Variants in LYZL2 observed in about 807,000 individuals in gnomAD.
LYZL2 encodes lysozyme-like protein 2.
Under a neutral mutation model 17.1 loss-of-function variants are expected in LYZL2, and 13 were observed. The observed-to-expected ratio is 0.76, with a 90% CI of 0.49 to 1.21. LYZL2 has a LOEUF of 1.21. Among genes scored for constraint, LYZL2 ranks in the 50% most tolerant of loss-of-function variants. The probability of loss-of-function intolerance (pLI) is 0.00; values close to 1 mark genes in which losing one functional copy is unlikely to be tolerated. For missense variants in LYZL2, 166 were observed against 189.2 expected (o/e 0.88, Z 0.72); for synonymous variants, 63 against 74.4 (o/e 0.85, Z 0.79).
intron 1 of LYZL2, among the ~76,000 whole-genome samples, chr10:30,627,755 A>G (rs1045695406): frequency 5.3e-5 from 8 of 152,162 alleles, no homozygotes; most frequent in Non-Finnish European, 8.8e-5. Flanking sequence ...CTGAGCAGGC[A>G]TTGGCACCCC....
chr10:30,629,072 G>A (rs1261208640), intron 1 of LYZL2, among the ~76,000 whole-genome samples: 1 of 152,180 alleles, frequency 6.6e-6, no homozygotes. Context: ...GTGCTAAGCT[G>A]TGAGGGACAG....
At chr10:30,626,473 G>C (rs1453173764) in intron 2 of LYZL2, among the ~76,000 whole-genome samples, 1 of 152,242 alleles carries the variant, frequency 6.6e-6, no homozygotes, top group African/African-American at 2.4e-5. Context: ...CCAGTCAGGG[G>C]CTGAGCCTAA....
rs145120759 is a variant in LYZL2, at chr10:30,626,377, C to A, written c.140-114G>T. On this transcript the variant is annotated intron_variant, in intron 2 of 4. Coordinates refer to ENST00000647634, the MANE Select transcript of LYZL2 (RefSeq NM_183058.3). The stretch of plus-strand genomic sequence containing the variant: ...TACCTGACTGCTTCCTCCCAATACA[C>A]CTTGGGCAGGGCAGGGCGGGCATGT... The A allele has an allele frequency of 3.8e-3, 5,666 of 1,502,016 alleles. 187 individuals are homozygous for A. The African/African-American group carries it at 0.068, about 18-fold the overall frequency. The allele number at this position is 1,502,016 out of a possible 1,614,324, so 93.0% of individuals were successfully genotyped here. A position where few individuals can be genotyped will look rare whatever the true frequency, so the allele number is the denominator to read the frequency against.
chr10:30,620,619 C>T (rs923311294), intron 3 of LYZL2, among the ~76,000 whole-genome samples: 6 of 151,996 alleles, frequency 3.9e-5, no homozygotes, highest in Admixed American at 1.3e-4. Context: ...TTATTCCATG[C>T]GCAGAGGCAG....
At chr10:30,619,821 G>T (rs1281751705) in intron 3 of LYZL2, among the ~76,000 whole-genome samples, 1 of 151,064 alleles carries the variant, frequency 6.6e-6, no homozygotes, top group Non-Finnish European at 1.5e-5. Flanking sequence ...AAAACTTAAA[G>T]TACAATAATA....
At chr10:30,622,226 A>G (rs544624876) in intron 3 of LYZL2, among the ~76,000 whole-genome samples, 1 of 152,310 alleles carries the variant, frequency 6.6e-6, no homozygotes, top group East Asian at 1.9e-4. Flanking sequence ...CACAAACAGA[A>G]AACAAAATAG....
At chr10:30,620,512 TGTGTCTTTTGTTG>T in intron 3 of LYZL2, among the ~76,000 whole-genome samples, 3 of 152,270 alleles carry the variant, frequency 2.0e-5, no homozygotes, top group Non-Finnish European at 2.9e-5. Flanking sequence ...TCCTTTGCTA[TGTGTCTTTTGTTG>T]AAATTCTTTT....
At chr10:30,611,578 A>T, downstream of LYZL2, among the ~76,000 whole-genome samples, 1 of 73,436 alleles carries the variant, frequency 1.4e-5, no homozygotes, top group Non-Finnish European at 2.8e-5. Context: ...AAGGAAAGAA[A>T]GAAAGAAAGA....
At chr10:30,609,911 TA>T (rs1314924207), downstream of LYZL2, among the ~76,000 whole-genome samples, 6 of 152,194 alleles carry the variant, frequency 3.9e-5, no homozygotes. Context: ...ATTGCATGCT[TA>T]GAAATTTTAT....
intron 3 of LYZL2, among the ~76,000 whole-genome samples, chr10:30,616,314 T>C (rs572626476): frequency 1.1e-4 from 16 of 152,352 alleles, no homozygotes; most frequent in Admixed American, 7.8e-4. Flanking sequence ...GAGATAGCAA[T>C]TGAAACAACA....
downstream of LYZL2, among the ~76,000 whole-genome samples, chr10:30,611,545 AGG>A (rs1838434596): frequency 2.5e-5 from 2 of 79,716 alleles, no homozygotes; most frequent in Admixed American, 1.2e-4. Flanking sequence ...GAAGGAAGGA[AGG>A]AAGGAAGGAA....
At chr10:30,615,179 A>G (rs1838508002) in intron 3 of LYZL2, among the ~76,000 whole-genome samples, 1 of 152,250 alleles carries the variant, frequency 6.6e-6, no homozygotes, top group African/African-American at 2.4e-5. Flanking sequence ...ATATGTTTAT[A>G]TAGAGAGTGG....
intron 3 of LYZL2, among the ~76,000 whole-genome samples, chr10:30,617,941 A>C (rs1279427061): frequency 1.3e-5 from 2 of 152,016 alleles, no homozygotes; most frequent in African/African-American, 4.8e-5. Flanking sequence ...GTCTCAGCCC[A>C]AAATCTCCTT....
chr10:30,628,973 GTGTTAGAGGC>G (rs1838762747), intron 1 of LYZL2, among the ~76,000 whole-genome samples: 1 of 152,208 alleles, frequency 6.6e-6, no homozygotes, highest in Admixed American at 6.5e-5. Flanking sequence ...TTGAGTAGCT[GTGTTAGAGGC>G]TGTATAGACC....
At chr10:30,621,248 A>C (rs1330337701) in intron 3 of LYZL2, among the ~76,000 whole-genome samples, 1 of 152,176 alleles carries the variant, frequency 6.6e-6, no homozygotes, top group Non-Finnish European at 1.5e-5. Flanking sequence ...CTGGTTTCCC[A>C]TCATACACAA....
In LYZL2 at chr10:30,629,522, A is replaced by T. The variant is rs570805613; in HGVS notation, c.-26+71T>A. ...ATGATAACCCCAAGCATCATGTTCT[A>T]CATCCTTCAAGAACCTGCCATTGCT... On this transcript the variant is annotated intron_variant, in intron 1 of 4. Transcript: ENST00000647634. 7.7e-5 allele frequency: 118 copies of T among 1,526,102 alleles called. No homozygotes were observed. The East Asian group carries it at 1.5e-3, about 19-fold the overall frequency. 94.5% of individuals were successfully genotyped at this position (1,526,102 alleles called of 1,614,324 possible).
intron 3 of LYZL2, among the ~76,000 whole-genome samples, chr10:30,615,521 TTCTCTCTC>T (rs146438047): frequency 6.7e-6 from 1 of 149,224 alleles, no homozygotes; most frequent in Non-Finnish European, 1.5e-5. Context: ...TTAAGTGTTC[TTCTCTCTC>T]TCTCTCTCTC....
At chr10:30,615,556 ACACT>A in intron 3 of LYZL2, among the ~76,000 whole-genome samples, 1 of 152,236 alleles carries the variant, frequency 6.6e-6, no homozygotes, top group Non-Finnish European at 1.5e-5. Context: ...TCTCATACAC[ACACT>A]CTGTCACACA....
At chr10:30,617,180 A>C (rs553711232) in intron 3 of LYZL2, among the ~76,000 whole-genome samples, 1 of 152,122 alleles carries the variant, frequency 6.6e-6, no homozygotes, top group Non-Finnish European at 1.5e-5. Context: ...AGGCATGTAC[A>C]GAAAGTGCAC....
Sources: allele counts gnomAD v4.1 joint callset (sites outside exome capture counted in the v4.1 genomes callset), GRCh38; gene constraint gnomAD v4.1.1; transcripts MANE v1.5; gene names NCBI Gene and HGNC (gene_info 2026-07-23, HGNC 2026-07-21).